DAB1: variants seen among roughly 807,000 people sequenced by gnomAD.
The protein encoded by DAB1 is disabled homolog 1.
DAB1 carries 15 observed loss-of-function variants against 64.6 expected under a neutral mutation model. The ratio of observed to expected loss-of-function variants is 0.23; its 90% CI spans 0.16 to 0.36. DAB1 has a LOEUF of 0.36. Ranked by LOEUF, DAB1 falls within the 10% of genes least tolerant of loss-of-function variation. The pLI is 1.00. For missense variants in DAB1, 596 were observed against 706.7 expected, an observed-to-expected ratio of 0.84 and a Z score of 1.78; for synonymous variants, 235 against 251.9, an observed-to-expected ratio of 0.93 and a Z score of 0.64.
intron 6 of DAB1, among the ~76,000 whole-genome samples, chr1:57,655,339 C>G (rs1257384361): frequency 6.6e-6 from 1 of 152,022 alleles, no homozygotes; most frequent in East Asian, 1.9e-4. Context: ...CTACATACTT[C>G]ATCATCAATC....
At chr1:58,318,145 G>T (rs1342208327) in intron 4 of DAB1, among the ~76,000 whole-genome samples, 1 of 152,226 alleles carries the variant, frequency 6.6e-6, no homozygotes, top group African/African-American at 2.4e-5. Flanking sequence ...TGCCAGAGGA[G>T]ATTTAAGAGA....
chr1:57,654,322 T>C (rs995290855), intron 6 of DAB1, among the ~76,000 whole-genome samples: 1 of 152,168 alleles, frequency 6.6e-6, no homozygotes, highest in Admixed American at 6.5e-5. Flanking sequence ...GTGCTGAGGA[T>C]GGGAGTTCCA....
At chr1:58,515,693 C>A (rs1230911098) in intron 2 of DAB1, among the ~76,000 whole-genome samples, 2 of 151,984 alleles carry the variant, frequency 1.3e-5, no homozygotes, top group Non-Finnish European at 1.5e-5. Flanking sequence ...AAACAGTAAC[C>A]CAAATAAAAC....
Position 57,291,089 on chromosome 1 carries a change from GA to G in DAB1, c.-60del. 2 of 1,198,156 alleles carry G rather than the reference GA, an allele frequency of 1.7e-6. No individual in the cohort carries two copies. The highest frequency in any genetic ancestry group is 2.4e-6 in the Non-Finnish European group (2 of 831,238). The allele number at this position is 1,198,156 out of a possible 1,614,324, so 74.2% of individuals were successfully genotyped here. A position where few individuals can be genotyped will look rare whatever the true frequency, so the allele number is the denominator to read the frequency against. ...CCGGGCCTCGGCCAGGCTCATTGAGGACTCTTCTCCAAGAGAAAGACTCCTC... is the reference window on the plus strand; with the variant it reads ...CCGGGCCTCGGCCAGGCTCATTGAGGCTCTTCTCCAAGAGAAAGACTCCTC... On this transcript the variant is annotated 5_prime_UTR_variant, in exon 2 of 15. It introduces an in-frame stop codon into an upstream open reading frame of the 5' UTR. Coordinates refer to ENST00000371236, the MANE Select transcript of DAB1 (RefSeq NM_001365792.1).
chr1:57,146,948 G>A (rs1659197556), intron 2 of DAB1, among the ~76,000 whole-genome samples: 1 of 152,016 alleles, frequency 6.6e-6, no homozygotes, highest in South Asian at 2.1e-4. Context: ...GCATTAGCAT[G>A]AGCAGTAACT....
chr1:57,533,674 A>AT (rs1491281399), intron 7 of DAB1, among the ~76,000 whole-genome samples: 8 of 4,572 alleles, frequency 1.7e-3, no homozygotes, highest in African/African-American at 1.8e-3. Flanking sequence ...AGCCAAAATT[A>AT]AAAAAAAAAA....
At chr1:57,662,464 G>A (rs1646399057) in intron 6 of DAB1, among the ~76,000 whole-genome samples, 1 of 152,308 alleles carries the variant, frequency 6.6e-6, no homozygotes, top group Non-Finnish European at 1.5e-5. Flanking sequence ...CCAAAGTGAT[G>A]GGATTACAGG....
At chr1:57,331,134 G>A (rs4912162) in intron 1 of DAB1, among the ~76,000 whole-genome samples, 37,741 of 152,098 alleles carry the variant, frequency 0.25, 5,898 homozygotes, top group Non-Finnish European at 0.36. Flanking sequence ...AAAAGTAAAT[G>A]CTATATTGTA....
chr1:57,109,326 G>A (rs1369944877), intron 4 of DAB1, among the ~76,000 whole-genome samples: 10 of 152,154 alleles, frequency 6.6e-5, no homozygotes, highest in Non-Finnish European at 1.5e-5. Context: ...TATGACATGA[G>A]TTTCCAAGAA....
At chr1:57,634,843 C>A (rs1270810199) in intron 7 of DAB1, among the ~76,000 whole-genome samples, 1 of 152,074 alleles carries the variant, frequency 6.6e-6, no homozygotes, top group Non-Finnish European at 1.5e-5. Flanking sequence ...AAAAGTTAAA[C>A]AAGGTACAGA....
chr1:57,625,230 C>T (rs1366911582), intron 7 of DAB1, among the ~76,000 whole-genome samples: 2 of 152,236 alleles, frequency 1.3e-5, no homozygotes, highest in East Asian at 3.9e-4. Flanking sequence ...CTTCTTTCCT[C>T]CCTCCTTTTC....
chr1:57,279,340 A>G (rs1254592769), intron 2 of DAB1, among the ~76,000 whole-genome samples: 1 of 152,234 alleles, frequency 6.6e-6, no homozygotes, highest in Non-Finnish European at 1.5e-5. Flanking sequence ...AGAAAATGCT[A>G]TGTAATAGCT....
At chr1:57,489,114 C>A (rs1233243772) in intron 7 of DAB1, among the ~76,000 whole-genome samples, 1 of 152,194 alleles carries the variant, frequency 6.6e-6, no homozygotes, top group Admixed American at 6.5e-5. Context: ...AAGTGGGTGT[C>A]AGGATAAGCT....
At chr1:58,400,006 T>A (rs1644556052) in intron 3 of DAB1, among the ~76,000 whole-genome samples, 1 of 151,956 alleles carries the variant, frequency 6.6e-6, no homozygotes, top group Non-Finnish European at 1.5e-5. Flanking sequence ...AAATAAATAA[T>A]AAATAAATAA....
At chr1:57,767,464 A>G (rs1458007096) in intron 6 of DAB1, among the ~76,000 whole-genome samples, 1 of 152,162 alleles carries the variant, frequency 6.6e-6, no homozygotes, top group African/African-American at 2.4e-5. Context: ...CCGTCTGAAT[A>G]ATATAGCAGT....
At chr1:57,613,079 T>C (rs1645748105) in intron 7 of DAB1, among the ~76,000 whole-genome samples, 1 of 152,186 alleles carries the variant, frequency 6.6e-6, no homozygotes, top group African/African-American at 2.4e-5. Context: ...AATTGAATGA[T>C]CTGGAAATAG....
At chr1:57,645,226 C>A (rs1293597142) in intron 7 of DAB1, among the ~76,000 whole-genome samples, 1 of 152,202 alleles carries the variant, frequency 6.6e-6, no homozygotes, top group Non-Finnish European at 1.5e-5. Flanking sequence ...GTAATTCAAT[C>A]TAGTCACGTT....
At chr1:57,131,225 A>T (rs1657626927) in intron 4 of DAB1, among the ~76,000 whole-genome samples, 1 of 152,212 alleles carries the variant, frequency 6.6e-6, no homozygotes, top group African/African-American at 2.4e-5. Context: ...CTTTTGGGTG[A>T]CCAGAGTGCA....
intron 5 of DAB1, among the ~76,000 whole-genome samples, chr1:57,991,833 G>T (rs1312041064): frequency 7.6e-6 from 1 of 131,794 alleles, no homozygotes; most frequent in African/African-American, 2.9e-5. Context: ...GCAACAGATT[G>T]AGGCTCTGTC....
Sources: allele counts gnomAD v4.1 joint callset (sites outside exome capture counted in the v4.1 genomes callset), GRCh38; gene constraint gnomAD v4.1.1; transcripts MANE v1.5; gene names NCBI Gene and HGNC (gene_info 2026-07-23, HGNC 2026-07-21).